The following MBD4 variants were observed in gnomAD, a reference collection of about 807,000 sequenced individuals.
The protein encoded by MBD4 is methyl-CpG-binding domain protein 4.
A neutral mutation model predicts 60.2 loss-of-function variants in MBD4; 53 were observed. The ratio of observed to expected loss-of-function variants is 0.88; its 90% CI spans 0.71 to 1.11. The LOEUF is 1.11. MBD4 is among the 50% of genes least tolerant of loss of function. The probability of loss-of-function intolerance (pLI) is 0.00; values close to 1 mark genes in which losing one functional copy is unlikely to be tolerated. For synonymous variants in MBD4, 231 were observed against 229.8 expected, an observed-to-expected ratio of 1.01 and a Z score of -0.05; for missense variants, 619 against 674.0, an observed-to-expected ratio of 0.92 and a Z score of 0.90.
In MBD4 at chr3:129,434,122, G is replaced by T; in HGVS notation, c.1198C>A (p.Arg400=). The change falls in exon 4 of 8, where the codon CGA becomes AGA. Residue 400 remains arginine (R), a synonymous_variant. Coordinates refer to ENST00000429544, the MANE Select transcript of MBD4 (RefSeq NM_001276270.2). Reference sequence around the variant, plus strand: ...GTTTTCCTTCTTTCTATCTGTGTTCGTGGGATGGTATCTTCTGAAAAGGAA... The same window carrying T: ...GTTTTCCTTCTTTCTATCTGTGTTCTTGGGATGGTATCTTCTGAAAAGGAA... ...RKDFTEDTIP[R]TQIERRKTSL... The T allele has an allele frequency of 6.2e-7, 1 of 1,613,770 alleles. No homozygotes were observed. Among genetic ancestry groups the T allele is most frequent in the South Asian group, 1.1e-5 (1 of 91,072 alleles).
At chr3:129,433,730 G>A in intron 5 of MBD4, 120 bp downstream of exon 5, 1 of 1,165,728 alleles carries the variant, frequency 8.6e-7, no homozygotes, top group Non-Finnish European at 1.3e-6. Context: ...TAAGGGTGAA[G>A]GGGGAATGCC....
chr3:129,433,901 GA>G lies in MBD4; in HGVS notation c.1341del (p.His448MetfsTer37). On this transcript the variant is annotated frameshift_variant, in exon 5 of 8. Transcript: ENST00000429544. LOFTEE classifies it high-confidence loss of function. ...SPFNLVQETL[F>X]HDPWKLLIAT... ...GCGATGAGAAGCTTCCATGGATCATGAAAAAGTGTTTCTTGAACGAGATTAA... is the reference window on the plus strand; with the variant it reads ...GCGATGAGAAGCTTCCATGGATCATGAAAAGTGTTTCTTGAACGAGATTAA... The G allele has an allele frequency of 6.2e-7, 1 of 1,614,156 alleles. No homozygotes were observed. The highest frequency in any genetic ancestry group is 8.5e-7 in the Non-Finnish European group (1 of 1,179,994).
chr3:129,434,083 A>C lies in MBD4; in HGVS notation c.1237T>G (p.Ser413Ala). Residue 413 changes from serine to alanine, a missense_variant, in exon 4 of 8, where the codon TCC becomes GCC. By Grantham distance (99) the Ser-to-Ala change is moderately conservative. Transcript: ENST00000429544. ...ATACCTTCTTTGTTATATTTGCTGG[A>C]AAAATACAGGCTTGTTTTCCTTCTT... ...IERRKTSLYF[S>A]SKYNKEALSP... 6.2e-7 allele frequency: 1 copy of C among 1,614,122 alleles called. No individual in the cohort carries two copies. Among genetic ancestry groups the C allele is most frequent in the Non-Finnish European group, 8.5e-7 (1 of 1,179,982 alleles).
At chr3:129,431,915 T>A (rs759907344) in intron 7 of MBD4, among the ~76,000 whole-genome samples, 20 of 152,286 alleles carry the variant, frequency 1.3e-4, no homozygotes, top group Admixed American at 5.9e-4. Context: ...CACAATGGAT[T>A]GCTCTGATGA....
At position 129,436,543 on chromosome 3, in the gene MBD4, C is replaced by A; in HGVS notation, c.1101G>T (p.Arg367Ser). ...AAATGTCAGTATGCAAATGTTCTTTCCTTTCCACAACTTCTACTTTTGTTC... is the reference window on the plus strand; with the variant it reads ...AAATGTCAGTATGCAAATGTTCTTTACTTTCCACAACTTCTACTTTTGTTC... The part of the protein sequence containing the change: ...EIGTKVEVVE[R>S]KEHLHTDILK... The change falls in exon 3 of 8, where the codon AGG (arginine) becomes AGT (serine). Residue 367 changes from arginine (R) to serine (S), a missense_variant. By Grantham distance (110) the Arg-to-Ser change is moderately radical. Coordinates refer to ENST00000429544, the MANE Select transcript of MBD4 (RefSeq NM_001276270.2). 6.2e-7 allele frequency: 1 copy of A among 1,614,120 alleles called. No individual in the cohort carries two copies. Among genetic ancestry groups the A allele is most frequent in the Non-Finnish European group, 8.5e-7 (1 of 1,180,010 alleles).
At position 129,433,880 on chromosome 3, in the gene MBD4, T is replaced by C; in HGVS notation, c.1363A>G (p.Ile455Val). Residue 455 changes from isoleucine (I) to valine (V), a missense_variant, in exon 5 of 8, where the codon ATC becomes GTC. Ile to Val is a conservative substitution (Grantham distance 29). Coordinates refer to ENST00000429544, the MANE Select transcript of MBD4 (RefSeq NM_001276270.2). ...TLFHDPWKLLIATIFLNRTSG... is the reference protein window; with the variant it reads ...TLFHDPWKLLVATIFLNRTSG... ...GTCCGATTGAGAAATATAGTAGCGA[T>C]GAGAAGCTTCCATGGATCATGAAAA... The C allele has an allele frequency of 1.2e-6, 2 of 1,614,184 alleles. No individual in the cohort carries two copies. Among genetic ancestry groups the C allele is most frequent in the Non-Finnish European group, 1.7e-6 (2 of 1,180,014 alleles).
chr3:129,438,617 A>G (rs958745111), intron 1 of MBD4, among the ~76,000 whole-genome samples: 8 of 152,120 alleles, frequency 5.3e-5, no homozygotes, highest in African/African-American at 1.4e-4. Flanking sequence ...TGTTATTGAA[A>G]AAAGCTGGCA....
At position 129,434,107 on chromosome 3, in the gene MBD4, T is replaced by C. The variant is rs1354452136; in HGVS notation, c.1213A>G (p.Arg405Gly). The C allele has an allele frequency of 6.2e-7, 1 of 1,614,076 alleles. No homozygotes were observed. Reference sequence around the variant, plus strand: ...GAAAAATACAGGCTTGTTTTCCTTCTTTCTATCTGTGTTCGTGGGATGGTA... The same window carrying C: ...GAAAAATACAGGCTTGTTTTCCTTCCTTCTATCTGTGTTCGTGGGATGGTA... ...EDTIPRTQIE[R>G]RKTSLYFSSK... The change falls in exon 4 of 8, where the codon AGA becomes GGA. Residue 405 changes from arginine (R) to glycine (G), a missense_variant. Coordinates refer to ENST00000429544, the MANE Select transcript of MBD4 (RefSeq NM_001276270.2).
In MBD4 at chr3:129,436,537, T is replaced by C. The variant is rs921417281; in HGVS notation, c.1107A>G (p.Glu369=). The change falls in exon 3 of 8, where the codon GAA becomes GAG. Residue 369 remains glutamate, a synonymous_variant. Transcript: ENST00000429544. The part of the protein sequence containing the change: ...GTKVEVVERK[E]HLHTDILKRG... ...GTTTTAAAATGTCAGTATGCAAATG[T>C]TCTTTCCTTTCCACAACTTCTACTT... is the stretch of plus-strand genomic sequence containing the variant. The C allele has an allele frequency of 4.3e-6, 7 of 1,614,196 alleles. No homozygotes were observed. The Admixed American group carries it at 8.3e-5, about 19-fold the overall frequency.
rs1197706997 is a variant in MBD4 at position 129,432,422 on chromosome 3, T to C, written c.1647+81A>G. 8 of 1,612,088 alleles carry C rather than the reference T, an allele frequency of 5.0e-6. No individual in the cohort carries two copies. In the South Asian group the frequency reaches 8.8e-5, roughly 18 times the overall value. ...TGACTGTAATAGCATTTGTATCCAA[T>C]AAATAGTCTTAACCATAATGGTGGA... On this transcript the variant is annotated intron_variant, in intron 7 of 7. Transcript: ENST00000429544.
Position 129,436,582 on chromosome 3 carries a change from T to G in MBD4, c.1062A>C (p.Glu354Asp), listed in dbSNP as rs1310996887. Residue 354 changes from glutamate (E) to aspartate (D), a missense_variant, in exon 3 of 8, where the codon GAA (glutamate) becomes GAC (aspartate). Coordinates refer to ENST00000429544, the MANE Select transcript of MBD4 (RefSeq NM_001276270.2). The stretch of plus-strand genomic sequence containing the variant: ...CTACTTTTGTTCCGATTTCTTCAGA[T>G]TCTAAAAAGGTATCCTCATACTTCT... ...HNEKYEDTFL[E>D]SEEIGTKVEV... 1.9e-6 allele frequency: 3 copies of G among 1,614,088 alleles called. No homozygotes were observed. Among genetic ancestry groups the G allele is most frequent in the Non-Finnish European group, 2.5e-6 (3 of 1,180,032 alleles).
Position 129,437,018 on chromosome 3 carries a change from GAAGTA to G in MBD4, c.621_625del (p.Thr208HisfsTer9). 6.2e-7 allele frequency: 1 copy of G among 1,614,082 alleles called. No homozygotes were observed. Among genetic ancestry groups the G allele is most frequent in the Non-Finnish European group, 8.5e-7 (1 of 1,180,014 alleles). The stretch of plus-strand genomic sequence containing the variant: ...ATCTTCTTTCAAAAGCAAATGAGTG[GAAGTA>G]AAGTTAGAGAGTCCTCTGCTCTCCT... On this transcript the variant is annotated frameshift_variant, in exon 3 of 8. Transcript: ENST00000429544. LOFTEE classifies it high-confidence loss of function.
chr3:129,432,533 G>T lies in MBD4; in HGVS notation c.1617C>A (p.Tyr539Ter), dbSNP rs1298815904. ...HGIGKYGNDS[Y>*]RIFCVNEWKQ... ...TCCACTCATTGACACAAAAAATTCG[G>T]TAAGAGTCGTTGCCATATTTACCAA... The change falls in exon 7 of 8, where the codon TAC becomes TAA. Residue 539 changes from tyrosine to a stop codon, truncating the protein, a stop_gained. Transcript: ENST00000429544. LOFTEE classifies it high-confidence loss of function. 2.5e-6 allele frequency: 4 copies of T among 1,614,176 alleles called. No homozygotes were observed. In the Admixed American group the frequency reaches 6.7e-5, roughly 27 times the overall value.
intron 5 of MBD4, 40 bp from the exon 6 acceptor site, chr3:129,433,287 G>A (rs748498468): frequency 1.9e-6 from 3 of 1,609,552 alleles, no homozygotes; most frequent in South Asian, 1.1e-5. Flanking sequence ...AAGACTCCAG[G>A]TGGGCTGATT....
intron 7 of MBD4, among the ~76,000 whole-genome samples, chr3:129,431,852 C>T (rs1238307479): frequency 6.6e-6 from 1 of 152,190 alleles, no homozygotes; most frequent in Non-Finnish European, 1.5e-5. Context: ...AGTATTAATA[C>T]CTCACTTTCC....
intron 7 of MBD4, 131 bp downstream of exon 7, chr3:129,432,372 C>G: frequency 1.3e-6 from 2 of 1,566,296 alleles, no homozygotes; most frequent in African/African-American, 2.7e-5. Context: ...ACCCGCTTCC[C>G]CGCAGCCAGG....
chr3:129,432,458 C>T (rs1005558748), intron 7 of MBD4, 45 bp downstream of exon 7: 2 of 1,614,108 alleles, frequency 1.2e-6, no homozygotes, highest in East Asian at 2.2e-5. Context: ...CTTATTTTGC[C>T]TCAGAGACCA....
At chr3:129,435,391 A>C (rs2072439295) in intron 3 of MBD4, among the ~76,000 whole-genome samples, 1 of 152,218 alleles carries the variant, frequency 6.6e-6, no homozygotes, top group Non-Finnish European at 1.5e-5. Context: ...CCTCGTACTA[A>C]GAGTACTTCA....
Position 129,436,780 on chromosome 3 carries a change from G to C in MBD4, c.864C>G (p.Val288=). The C allele has an allele frequency of 1.2e-6, 2 of 1,614,038 alleles. No homozygotes were observed. The highest frequency in any genetic ancestry group is 8.5e-7 in the Non-Finnish European group (1 of 1,179,980). Residue 288 remains valine, a synonymous_variant, in exon 3 of 8, where the codon GTC becomes GTG. Coordinates refer to ENST00000429544, the MANE Select transcript of MBD4 (RefSeq NM_001276270.2). ...CACATGCTCCAGCATCAGAAATGCA[G>C]ACAGTTCTATCAAGCTGACTTTTTT... is the stretch of plus-strand genomic sequence containing the variant. ...VAQKSQLDRT[V]CISDAGACGE...
Sources: gnomAD v4.1 joint callset for allele counts (sites outside exome capture counted in the v4.1 genomes callset) on GRCh38, gnomAD v4.1.1 for gene constraint, MANE v1.5 for transcripts, NCBI Gene and HGNC (gene_info 2026-07-23, HGNC 2026-07-21) for gene names.